Variants in PCNT observed in about 807,000 individuals in gnomAD.
PCNT encodes pericentrin, also known as kendrin.
PCNT carries 319 observed loss-of-function variants against 380.4 expected under a neutral mutation model. The observed-to-expected ratio is 0.84, with a 90% CI of 0.77 to 0.92. The LOEUF is 0.92. PCNT is among the 40% of genes least tolerant of loss of function. The probability of loss-of-function intolerance (pLI) is 0.00; values close to 1 mark genes in which losing one functional copy is unlikely to be tolerated. For synonymous variants in PCNT, 1,845 were observed against 1,735.2 expected (o/e 1.06, Z -1.57); for missense variants, 4,400 against 4,255.3 (o/e 1.03, Z -0.95).
rs531214084 is a variant in PCNT, at chr21:46,372,097, CAT to C, written c.3165+4959_3165+4960del. Among the ~76,000 whole-genome samples, 287 of 150,108 alleles carry C rather than the reference CAT, an allele frequency of 1.9e-3. 1 individual carries two copies. Among genetic ancestry groups the C allele is most frequent in the South Asian group, 4.0e-3 (19 of 4,710 alleles). Reference sequence around the variant, plus strand: ...ACACAGCACATGCGCACACATAGCACATGTGCATACACAGCACATGCACACAT... The same window carrying C: ...ACACAGCACATGCGCACACATAGCACGTGCATACACAGCACATGCACACAT... On this transcript the variant is annotated intron_variant, in intron 15 of 46. Transcript: ENST00000359568.
intron 13 of PCNT, 42 bp from the exon 14 acceptor site, chr21:46,363,438 C>T: frequency 6.6e-7 from 1 of 1,506,758 alleles, no homozygotes; most frequent in Non-Finnish European, 9.2e-7. Flanking sequence ...TAATCTCTTC[C>T]ATTAGCGTCT....
Position 46,397,299 on chromosome 21 carries a change from A to G in PCNT, c.4251A>G (p.Glu1417=). 6.2e-7 allele frequency: 1 copy of G among 1,614,130 alleles called. No individual in the cohort carries two copies. The highest frequency in any genetic ancestry group is 8.5e-7 in the Non-Finnish European group (1 of 1,180,010). Residue 1417 remains glutamate, a synonymous_variant, in exon 22 of 47, where the codon GAA becomes GAG. Transcript: ENST00000359568. ...LRKEVEDLTK[E]QSETRKQAEK... is the part of the protein sequence containing the mutation. ...AGGAAGTGGAGGATCTGACCAAAGAACAGTCGGAGACCAGGAAGCAGGCTG... is the reference window on the plus strand; with the variant it reads ...AGGAAGTGGAGGATCTGACCAAAGAGCAGTCGGAGACCAGGAAGCAGGCTG...
intron 13 of PCNT, among the ~76,000 whole-genome samples, chr21:46,358,467 G>A (rs1325231665): frequency 2.6e-5 from 4 of 152,248 alleles, no homozygotes; most frequent in Non-Finnish European, 4.4e-5. Flanking sequence ...CAAAATAGAG[G>A]TAAGGGTGGA....
chr21:46,370,227 G>A lies in PCNT; in HGVS notation c.3165+3088G>A, dbSNP rs535767656. The stretch of plus-strand genomic sequence containing the variant: ...GGCAGCTGCAGGGGTGGGCATCCGG[G>A]GGGGGGTGTCTTTGGTTGGCCTCCC... On this transcript the variant is annotated intron_variant, in intron 15 of 46. Coordinates refer to ENST00000359568, the MANE Select transcript of PCNT (RefSeq NM_006031.6). Among the ~76,000 whole-genome samples the A allele has an allele frequency of 3.2e-4, 49 of 152,122 alleles. 1 individual carries two copies. The highest frequency in any genetic ancestry group is 9.9e-4 in the African/African-American group (41 of 41,478).
chr21:46,326,852 A>G (rs2083410670), intron 2 of PCNT, among the ~76,000 whole-genome samples: 1 of 151,938 alleles, frequency 6.6e-6, no homozygotes, highest in South Asian at 2.1e-4. Flanking sequence ...TGTCTATACT[A>G]AAAATACAAA....
chr21:46,426,067 T>TTA, intron 33 of PCNT, 96 bp downstream of exon 33: 11 of 979,722 alleles, frequency 1.1e-5, no homozygotes, highest in South Asian at 3.1e-5. Context: ...TAGGATTTCT[T>TTA]TCTTTTTTTT....
At chr21:46,331,403 G>C (rs1164137832) in intron 2 of PCNT, among the ~76,000 whole-genome samples, 1 of 152,160 alleles carries the variant, frequency 6.6e-6, no homozygotes, top group Non-Finnish European at 1.5e-5. Context: ...ATTGCAGAAA[G>C]ACTTTGTGGT....
chr21:46,428,362 A>T (rs368272216), intron 34 of PCNT, 33 bp from the exon 35 acceptor site: 16 of 1,602,006 alleles, frequency 1.0e-5, no homozygotes, highest in African/African-American at 5.4e-5. Context: ...TGGCTGCCCA[A>T]TGCTCAGGCT....
intron 45 of PCNT, 121 bp downstream of exon 45, chr21:46,444,069 T>G (rs2053685675): frequency 9.1e-7 from 1 of 1,095,720 alleles, no homozygotes; most frequent in African/African-American, 1.6e-5. Context: ...GGCAGGAAAC[T>G]CTCCAGCGTG....
At chr21:46,326,725 A>G in intron 2 of PCNT, 136 bp downstream of exon 2, 2 of 1,009,738 alleles carry the variant, frequency 2.0e-6, no homozygotes, top group Admixed American at 4.0e-5. Flanking sequence ...AGTTTATAAA[A>G]AGTGAGGGCC....
intron 15 of PCNT, among the ~76,000 whole-genome samples, chr21:46,379,230 G>A (rs999622636): frequency 2.6e-5 from 4 of 152,016 alleles, no homozygotes; most frequent in African/African-American, 7.2e-5. Flanking sequence ...CCTGTCATCC[G>A]GGGCTGCGTG....
At chr21:46,358,658 T>TCTGTCGCC (rs1390549530) in intron 13 of PCNT, among the ~76,000 whole-genome samples, 3 of 150,984 alleles carry the variant, frequency 2.0e-5, no homozygotes, top group Non-Finnish European at 4.4e-5. Context: ...TGAGTCTTGC[T>TCTGTCGCC]CTGTCGCCCA....
Position 46,363,839 on chromosome 21 carries a change from G to T in PCNT, c.2514G>T (p.Gln838His), listed in dbSNP as rs781715678. Residue 838 changes from glutamine (Q) to histidine (H), a missense_variant, in exon 14 of 47, where the codon CAG becomes CAT. Transcript: ENST00000359568. ...LTSDDALHCS[Q>H]CGREPPTAQD... is the part of the protein sequence containing the mutation. ...CAGACGACGCCCTGCATTGCAGCCA[G>T]TGTGGGCGGGAGCCGCCCACAGCCC... 6.2e-7 allele frequency: 1 copy of T among 1,612,090 alleles called. No individual in the cohort carries two copies. The highest frequency in any genetic ancestry group is 8.5e-7 in the Non-Finnish European group (1 of 1,179,154).
intron 28 of PCNT, 105 bp downstream of exon 28, chr21:46,412,172 T>G (rs2086811135): frequency 5.4e-6 from 7 of 1,306,688 alleles, no homozygotes; most frequent in Non-Finnish European, 6.3e-6. Flanking sequence ...GCTGCAGTTG[T>G]CATGGTGGCT....
intron 27 of PCNT, among the ~76,000 whole-genome samples, chr21:46,402,756 C>T (rs570520453): frequency 1.1e-4 from 16 of 152,252 alleles, no homozygotes; most frequent in African/African-American, 3.6e-4. Flanking sequence ...AGGCACTTCC[C>T]TAGGGCAGCA....
At chr21:46,358,375 A>G (rs1018556426) in intron 13 of PCNT, among the ~76,000 whole-genome samples, 2 of 152,194 alleles carry the variant, frequency 1.3e-5, no homozygotes, top group Non-Finnish European at 2.9e-5. Flanking sequence ...CCATCAAGAG[A>G]CAGCTTCATA....
intron 22 of PCNT, 28 bp from the exon 23 acceptor site, chr21:46,397,986 G>A: frequency 6.5e-7 from 1 of 1,534,516 alleles, no homozygotes. Context: ...CCGTTGGGGT[G>A]GTCCCAACAC....
At chr21:46,385,606 C>T (rs991502392) in intron 16 of PCNT, among the ~76,000 whole-genome samples, 1 of 152,192 alleles carries the variant, frequency 6.6e-6, no homozygotes, top group Non-Finnish European at 1.5e-5. Flanking sequence ...ATTAAATGTG[C>T]AGGTGCTCCT....
At chr21:46,421,532 C>T (rs567159472) in intron 31 of PCNT, among the ~76,000 whole-genome samples, 3 of 152,360 alleles carry the variant, frequency 2.0e-5, no homozygotes, top group East Asian at 3.9e-4. Flanking sequence ...ATGGCAGGCA[C>T]GGTCAGCGTT....
Sources: allele counts gnomAD v4.1 joint callset (sites outside exome capture counted in the v4.1 genomes callset), GRCh38; gene constraint gnomAD v4.1.1; transcripts MANE v1.5; gene names NCBI Gene and HGNC (gene_info 2026-07-23, HGNC 2026-07-21).